PPP2R1B: variants seen among roughly 807,000 people sequenced by gnomAD.
PPP2R1B encodes protein phosphatase 2 scaffold subunit Abeta, also known as serine/threonine-protein phosphatase 2A 65 kDa regulatory subunit A beta isoform.
Under a neutral mutation model 72.7 loss-of-function variants are expected in PPP2R1B, and 58 were observed. That is an observed-to-expected ratio of 0.80 (90% CI 0.65 to 0.99). PPP2R1B has a LOEUF of 0.99. Among genes scored for constraint, PPP2R1B ranks in the 50% least tolerant of loss-of-function variants. PPP2R1B has a pLI of 0.00. For missense variants in PPP2R1B, 695 were observed against 733.6 expected (o/e 0.95, Z 0.61); for synonymous variants, 256 against 264.6 (o/e 0.97, Z 0.32).
At chr11:111,719,794 A>T in the PPP2R1B span, 1 of 1,613,538 alleles carries the variant, frequency 6.2e-7, no homozygotes, top group Non-Finnish European at 8.5e-7. Flanking sequence ...TGTCTGCTTG[A>T]CCCTGTGCCT....
the PPP2R1B span, among the ~76,000 whole-genome samples, chr11:111,692,789 A>G: frequency 6.6e-6 from 1 of 151,962 alleles, no homozygotes; most frequent in Admixed American, 6.5e-5. Context: ...TTACAAAGTT[A>G]TTCCCTCAAA....
At chr11:111,759,578 C>A (rs1945247592) in intron 5 of PPP2R1B, among the ~76,000 whole-genome samples, 1 of 152,188 alleles carries the variant, frequency 6.6e-6, no homozygotes, top group Non-Finnish European at 1.5e-5. Context: ...TCCTCTCTGA[C>A]TCCCCACTCT....
intron 8 of PPP2R1B, 83 bp downstream of exon 8, chr11:111,754,416 A>G: frequency 5.3e-6 from 8 of 1,511,660 alleles, no homozygotes; most frequent in Middle Eastern, 1.9e-4. Context: ...AAAGAGCTTT[A>G]AGGTAAACAA....
chr11:111,741,545 T>G lies in PPP2R1B; in HGVS notation c.*51A>C. ...TCCACCCAGTTAAGAACACATTGAC[T>G]AGAAATTTGTGACAAGAATCTAGTA... On this transcript the variant is annotated 3_prime_UTR_variant, in exon 15 of 15. Coordinates refer to ENST00000527614, the MANE Select transcript of PPP2R1B (RefSeq NM_002716.5). The G allele has an allele frequency of 6.2e-7, 1 of 1,606,048 alleles. No homozygotes were observed. Among genetic ancestry groups the G allele is most frequent in the East Asian group, 2.2e-5 (1 of 44,820 alleles).
chr11:111,688,888 A>G, the PPP2R1B span, among the ~76,000 whole-genome samples: 7 of 152,252 alleles, frequency 4.6e-5, no homozygotes, highest in Non-Finnish European at 1.0e-4. The surrounding 1 kb of genome is among the most constrained non-coding windows in gnomAD (Gnocchi z 4.2). Flanking sequence ...AATTTTTGTC[A>G]ATTACATTTT....
the PPP2R1B span, chr11:111,721,692 T>G: frequency 1.7e-6 from 1 of 582,452 alleles, no homozygotes; most frequent in Non-Finnish European, 3.0e-6. Context: ...GCCTACTGGC[T>G]CTGTAAAAGC....
chr11:111,735,498 C>A (rs929380720), downstream of PPP2R1B, among the ~76,000 whole-genome samples: 1 of 152,216 alleles, frequency 6.6e-6, no homozygotes, highest in African/African-American at 2.4e-5. Context: ...TGAGCCGCTG[C>A]CGGACCCGCG....
chr11:111,714,238 T>C, the PPP2R1B span, among the ~76,000 whole-genome samples: 1 of 152,200 alleles, frequency 6.6e-6, no homozygotes, highest in Non-Finnish European at 1.5e-5. Flanking sequence ...AAAGGGCACA[T>C]GCAGGGAAGC....
chr11:111,702,797 C>A, the PPP2R1B span, among the ~76,000 whole-genome samples: 1 of 152,196 alleles, frequency 6.6e-6, no homozygotes, highest in Non-Finnish European at 1.5e-5. Context: ...AGCAGCAGCC[C>A]GTTGGAGAGC....
chr11:111,699,338 T>C, the PPP2R1B span, among the ~76,000 whole-genome samples: 5 of 152,196 alleles, frequency 3.3e-5, no homozygotes, highest in African/African-American at 1.2e-4. Context: ...TCCTATCTAC[T>C]TTTTTGGGAC....
At chr11:111,696,024 G>T in the PPP2R1B span, among the ~76,000 whole-genome samples, 3 of 152,198 alleles carry the variant, frequency 2.0e-5, no homozygotes, top group Admixed American at 6.5e-5. Context: ...TCCTTGGTCT[G>T]CTGCGGCTGG....
Position 111,740,597 on chromosome 11 carries a change from G to A in PPP2R1B, c.*999C>T, listed in dbSNP as rs553536040. On this transcript the variant is annotated 3_prime_UTR_variant, in exon 15 of 15. Transcript: ENST00000527614. ...ATTTCAGAATTAATGAGGTTTTACT[G>A]TAAAAGTAGAAAAGCAAACACTTCA... 3.0e-6 allele frequency: 3 copies of A among 984,976 alleles called. No homozygotes were observed. Among genetic ancestry groups the A allele is most frequent in the African/African-American group, 1.7e-5 (1 of 57,208 alleles). 61.0% of individuals were successfully genotyped at this position (984,976 alleles called of 1,614,324 possible).
At chr11:111,742,427 T>G (rs929536881) in intron 13 of PPP2R1B, 96 bp downstream of exon 13, 3 of 1,350,012 alleles carry the variant, frequency 2.2e-6, no homozygotes, top group African/African-American at 1.5e-5. Flanking sequence ...TTAAGTAAAG[T>G]GAAAATCCCT....
chr11:111,753,022 G>C (rs1331263205), intron 9 of PPP2R1B, among the ~76,000 whole-genome samples: 1 of 152,086 alleles, frequency 6.6e-6, no homozygotes, highest in East Asian at 1.9e-4. Context: ...CTACCTCACA[G>C]GATTGTTGTG....
the PPP2R1B span, chr11:111,712,338 C>G: frequency 6.2e-7 from 1 of 1,614,186 alleles, no homozygotes; most frequent in African/African-American, 1.3e-5. Flanking sequence ...CAGGCGGAAG[C>G]TGCATTCATG....
rs1278364589 is a variant in PPP2R1B, at chr11:111,738,241, C to G, written c.*3355G>C. 1.0e-6 allele frequency: 1 copy of G among 985,370 alleles called. No individual in the cohort carries two copies. The highest frequency in any genetic ancestry group is 1.2e-6 in the Non-Finnish European group (1 of 830,018). 61.0% of individuals were successfully genotyped at this position (985,370 alleles called of 1,614,324 possible). On this transcript the variant is annotated 3_prime_UTR_variant, in exon 15 of 15. Transcript: ENST00000527614. ...GGCCTCTCCCTCTACAGTTTCATAT[C>G]CAAGCAGTGGAGAAAAATAAGAAGC...
At chr11:111,747,509 T>C (rs1205574558) in intron 11 of PPP2R1B, among the ~76,000 whole-genome samples, 2 of 152,206 alleles carry the variant, frequency 1.3e-5, no homozygotes, top group African/African-American at 4.8e-5. Context: ...AATCCTCTAC[T>C]GTCTCACTGT....
the PPP2R1B span, among the ~76,000 whole-genome samples, chr11:111,714,383 G>A: frequency 6.6e-6 from 1 of 152,204 alleles, no homozygotes; most frequent in African/African-American, 2.4e-5. Context: ...CAGTTGTTAG[G>A]GGAGTAGGAA....
chr11:111,739,602 C>T lies in PPP2R1B; in HGVS notation c.*1994G>A, dbSNP rs1225589524. On this transcript the variant is annotated 3_prime_UTR_variant, in exon 15 of 15. Transcript: ENST00000527614. The stretch of plus-strand genomic sequence containing the variant: ...AGAAGTCAATGCTTAGGGCTCCTCA[C>T]TGGGAGACACAAGGGCATTTTAAAA... The T allele has an allele frequency of 1.0e-6, 1 of 985,308 alleles. No homozygotes were observed. Among genetic ancestry groups the T allele is most frequent in the Non-Finnish European group, 1.2e-6 (1 of 829,932 alleles). The allele number at this position is 985,308 out of a possible 1,614,324, so 61.0% of individuals were successfully genotyped here.
Sources: gnomAD v4.1 joint callset for allele counts (sites outside exome capture counted in the v4.1 genomes callset) on GRCh38, gnomAD v4.1.1 for gene constraint, Gnocchi (gnomAD v3.1) non-coding constraint, MANE v1.5 for transcripts, NCBI Gene and HGNC (gene_info 2026-07-23, HGNC 2026-07-21) for gene names.